The following EPHA4 variants were observed in gnomAD, a reference collection of about 807,000 sequenced individuals.
EPHA4 encodes the protein ephrin type-A receptor 4.
Under a neutral mutation model 108.3 loss-of-function variants are expected in EPHA4, and 19 were observed. The ratio of observed to expected loss-of-function variants is 0.18; its 90% CI spans 0.12 to 0.26. The LOEUF (loss-of-function observed/expected upper bound fraction) is 0.26. EPHA4 is among the 10% of genes least tolerant of loss of function. The pLI, the probability that EPHA4 is intolerant of heterozygous loss-of-function variation, is 1.00. For missense variants in EPHA4, 917 were observed against 1,254.0 expected (o/e 0.73, Z 4.06); for synonymous variants, 449 against 455.5 (o/e 0.99, Z 0.18).
intron 3 of EPHA4, among the ~76,000 whole-genome samples, chr2:221,501,615 C>A (rs548747962): frequency 1.3e-5 from 2 of 152,158 alleles, no homozygotes; most frequent in Non-Finnish European, 2.9e-5. Context: ...CAGCACCCAG[C>A]TTTGACCCCA....
At chr2:221,517,944 C>G (rs1481324888) in intron 3 of EPHA4, among the ~76,000 whole-genome samples, 3 of 152,098 alleles carry the variant, frequency 2.0e-5, no homozygotes, top group Non-Finnish European at 4.4e-5. Context: ...TGATTCAAAC[C>G]GGAACTAAGG....
At chr2:221,499,783 G>A (rs1325466808) in intron 4 of EPHA4, among the ~76,000 whole-genome samples, 1 of 77,798 alleles carries the variant, frequency 1.3e-5, no homozygotes, top group African/African-American at 4.7e-5. Context: ...TTGAGACAGA[G>A]TTTTGCTATT....
intron 3 of EPHA4, among the ~76,000 whole-genome samples, chr2:221,513,022 C>G (rs1185092361): frequency 6.6e-6 from 1 of 151,994 alleles, no homozygotes; most frequent in East Asian, 1.9e-4. Context: ...GAAAAACCAC[C>G]CGAAAGAAAA....
chr2:221,511,036 A>T (rs1692811013), intron 3 of EPHA4, among the ~76,000 whole-genome samples: 1 of 152,204 alleles, frequency 6.6e-6, no homozygotes, highest in African/African-American at 2.4e-5. Context: ...TCAGGGCTCC[A>T]TACAAAAGCA....
chr2:221,493,075 T>C (rs2106150640), intron 4 of EPHA4, among the ~76,000 whole-genome samples: 1 of 152,326 alleles, frequency 6.6e-6, no homozygotes, highest in South Asian at 2.1e-4. Context: ...TACGACACTT[T>C]GGGAATCTTT....
At chr2:221,493,702 A>G (rs1053543773) in intron 4 of EPHA4, among the ~76,000 whole-genome samples, 1 of 152,202 alleles carries the variant, frequency 6.6e-6, no homozygotes, top group Non-Finnish European at 1.5e-5. Flanking sequence ...TTAAAACAAT[A>G]CACTTTCTGG....
rs1193991092 is a variant in EPHA4, at chr2:221,501,182, A to G, written c.824-10T>C. The stretch of plus-strand genomic sequence containing the variant: ...TATCCAATTTTGCAAGCTGCAGGGA[A>G]GAAGAAAAAAACAAACAAATAGAAA... On this transcript the variant is annotated splice_polypyrimidine_tract_variant and intron_variant, in intron 3 of 17. Coordinates refer to ENST00000281821, the MANE Select transcript of EPHA4 (RefSeq NM_004438.5). 5.1e-6 allele frequency: 8 copies of G among 1,560,262 alleles called. No individual in the cohort carries two copies. The highest frequency in any genetic ancestry group is 6.9e-6 in the Non-Finnish European group (8 of 1,155,634).
chr2:221,532,666 AC>A (rs1411658533), intron 3 of EPHA4: 1 of 152,346 alleles, frequency 6.6e-6, no homozygotes, highest in Non-Finnish European at 1.5e-5. Flanking sequence ...ATAGATCCAC[AC>A]AGCCTTGGCC....
In EPHA4 at chr2:221,426,588, G is replaced by A; in HGVS notation, c.2722C>T (p.Pro908Ser). The A allele has an allele frequency of 7.4e-6, 12 of 1,613,750 alleles. No individual in the cohort carries two copies. Among genetic ancestry groups the A allele is most frequent in the Admixed American group, 1.7e-5 (1 of 59,904 alleles). The change falls in exon 16 of 18, where the codon CCT becomes TCT. Residue 908 changes from proline to serine, a missense_variant. Around this residue, in one of 3 missense-constraint regions of EPHA4, gnomAD observed 133 missense variants for 132.8 expected, o/e 1.00. Transcript: ENST00000281821. ...ACTGATACCACAGCAGAGAATTCAG[G>A]GGAGCTTGGATCCAACAAGGCAGTG... is the stretch of plus-strand genomic sequence containing the variant. ...PNTALLDPSS[P>S]EFSAVVSVGD...
intron 3 of EPHA4, among the ~76,000 whole-genome samples, chr2:221,511,412 C>G (rs1340191180): frequency 1.5e-5 from 2 of 132,916 alleles, no homozygotes; most frequent in Admixed American, 1.5e-4. Flanking sequence ...ACTGTTCAAA[C>G]TGTGTTCAAA....
rs1346215997 is a variant in EPHA4, at chr2:221,482,535, G to T, written c.1135C>A (p.Pro379Thr). ...CGAGDPSKCR[P>T]CGSGVHYTPQ... is the part of the protein sequence containing the mutation. ...GTGTAGTGGACCCCACTTCCACAGGGTCGGCACTTGCTGGGGTCACCAGCT... is the reference window on the plus strand; with the variant it reads ...GTGTAGTGGACCCCACTTCCACAGGTTCGGCACTTGCTGGGGTCACCAGCT... Residue 379 changes from proline (P) to threonine (T), a missense_variant, in exon 5 of 18, where the codon CCC (proline) becomes ACC (threonine). By Grantham distance (38) the Pro-to-Thr change is conservative. Around this residue, in one of 3 missense-constraint regions of EPHA4, gnomAD observed 758 missense variants for 1,076.7 expected, o/e 0.70. Transcript: ENST00000281821. 3.7e-6 allele frequency: 6 copies of T among 1,614,034 alleles called. No individual in the cohort carries two copies. Among genetic ancestry groups the T allele is most frequent in the Non-Finnish European group, 5.1e-6 (6 of 1,179,988 alleles).
intron 2 of EPHA4, 104 bp from the exon 3 acceptor site, chr2:221,564,498 T>C (rs930200529): frequency 8.4e-7 from 1 of 1,186,602 alleles, no homozygotes; most frequent in Non-Finnish European, 1.2e-6. Context: ...TTTCTTTCAA[T>C]AATGAAGCAA....
intron 5 of EPHA4, among the ~76,000 whole-genome samples, chr2:221,470,889 A>G (rs1025888545): frequency 4.6e-5 from 7 of 152,276 alleles, no homozygotes; most frequent in African/African-American, 1.7e-4. Context: ...AATTTTCTCA[A>G]AAGCTATGGT....
intron 5 of EPHA4, among the ~76,000 whole-genome samples, chr2:221,480,352 C>A (rs376668972): frequency 6.6e-6 from 1 of 152,072 alleles, no homozygotes; most frequent in African/African-American, 2.4e-5. Flanking sequence ...GTAGTGCTTG[C>A]GAATGAATAG....
chr2:221,432,346 T>C (rs1690103337), intron 14 of EPHA4, among the ~76,000 whole-genome samples: 1 of 152,172 alleles, frequency 6.6e-6, no homozygotes, highest in Non-Finnish European at 1.5e-5. Flanking sequence ...TTTTTGTCTT[T>C]GTCCCTGTGA....
At chr2:221,461,223 C>G (rs1691127686) in intron 5 of EPHA4, among the ~76,000 whole-genome samples, 1 of 152,192 alleles carries the variant, frequency 6.6e-6, no homozygotes, top group Non-Finnish European at 1.5e-5. Flanking sequence ...TACATAATAT[C>G]TCATCGGTGT....
intron 11 of EPHA4, among the ~76,000 whole-genome samples, chr2:221,437,965 A>G (rs137968409): frequency 6.6e-6 from 1 of 152,002 alleles, no homozygotes; most frequent in Admixed American, 6.5e-5. Flanking sequence ...ACTTCTCTCC[A>G]CTGTCTTGCT....
chr2:221,447,017 T>C (rs567437633), intron 8 of EPHA4, among the ~76,000 whole-genome samples: 2 of 152,304 alleles, frequency 1.3e-5, no homozygotes, highest in East Asian at 3.9e-4. Context: ...CAGAAATGTA[T>C]ATATCTCTCT....
chr2:221,427,085 G>C (rs572427031), intron 15 of EPHA4, among the ~76,000 whole-genome samples: 58 of 152,318 alleles, frequency 3.8e-4, no homozygotes, highest in African/African-American at 1.4e-3. Flanking sequence ...TGGAAGCAGA[G>C]AAAACAGCAA....
Sources: allele counts gnomAD v4.1 joint callset (sites outside exome capture counted in the v4.1 genomes callset), GRCh38; gene constraint gnomAD v4.1.1; regional missense constraint gnomAD v4.1.1; transcripts MANE v1.5; gene names NCBI Gene and HGNC (gene_info 2026-07-23, HGNC 2026-07-21).